Variants in SRMS observed in about 807,000 individuals in gnomAD.
SRMS encodes the protein src-related kinase lacking C-terminal regulatory tyrosine and N-terminal myristylation sites.
In SRMS, 42 loss-of-function variants were observed where a neutral mutation model predicts 43.5. The ratio of observed to expected loss-of-function variants is 0.97; its 90% CI spans 0.75 to 1.25. The LOEUF is 1.25. Ranked by LOEUF, SRMS falls within the 50% of genes most tolerant of loss-of-function variation. The pLI is 0.00. For missense variants in SRMS, 703 were observed against 681.0 expected, an observed-to-expected ratio of 1.03 and a Z score of -0.36; for synonymous variants, 316 against 308.2, an observed-to-expected ratio of 1.03 and a Z score of -0.27.
chr20:63,543,431 A>G lies in SRMS; in HGVS notation c.528T>C (p.Asp176=), dbSNP rs1184279006. 2 of 1,612,722 alleles carry G rather than the reference A, an allele frequency of 1.2e-6. No individual in the cohort carries two copies. Among genetic ancestry groups the G allele is most frequent in the Non-Finnish European group, 8.5e-7 (1 of 1,179,964 alleles). ...VCHYRVSMAA[D]GSLYLQKGRL... ...GTCCCTTCTGCAGGTAGAGGCTGCC[A>G]TCAGCTGCCATGGAGACCCGGTAGT... The change falls in exon 3 of 8, where the codon GAT becomes GAC. Residue 176 remains aspartate, a synonymous_variant. Transcript: ENST00000217188.
At position 63,540,905 on chromosome 20, in the gene SRMS, C is replaced by T; in HGVS notation, c.1380G>A (p.Leu460=). ...ACPAEVYVLM[L]ECWRSSPEER... ...CCTCGGGGCTGCTCCTCCAGCACTC[C>T]AGCATGAGCACGTAGACCTCCGCCG... Residue 460 remains leucine, a synonymous_variant, in exon 8 of 8, where the codon CTG becomes CTA. Coordinates refer to ENST00000217188, the MANE Select transcript of SRMS (RefSeq NM_080823.4). 1 of 1,606,046 alleles carries T rather than the reference C, an allele frequency of 6.2e-7. No individual in the cohort carries two copies. Among genetic ancestry groups the T allele is most frequent in the African/African-American group, 1.3e-5 (1 of 74,988 alleles).
At position 63,541,254 on chromosome 20, in the gene SRMS, C is replaced by T. The variant is rs1485426855; in HGVS notation, c.1222G>A (p.Asp408Asn). 1.9e-6 allele frequency: 3 copies of T among 1,569,934 alleles called. No individual in the cohort carries two copies. The highest frequency in any genetic ancestry group is 2.8e-5 in the African/African-American group (2 of 72,630). The change falls in exon 7 of 8, where the codon GAC (aspartate) becomes AAC (asparagine). Residue 408 changes from aspartate (D) to asparagine (N), a missense_variant. Coordinates refer to ENST00000217188, the MANE Select transcript of SRMS (RefSeq NM_080823.4). Reference protein sequence around the residue: ...ANYRVFSQKSDVWSFGVLLHE... With the variant: ...ANYRVFSQKSNVWSFGVLLHE... ...AGCAGGACGCCGAAGGACCAGACGT[C>T]TGACTTCTGGGAGAAGACACGATAA...
At position 63,542,067 on chromosome 20, in the gene SRMS, TTC is replaced by T. The variant is rs1210220930; in HGVS notation, c.946+94_946+95del. On this transcript the variant is annotated intron_variant, in intron 5 of 7. Transcript: ENST00000217188. ...ACCTGCTCCCGGTAGAGAGGCCCGG[TTC>T]ACCTCGGAAACCCCGCAGGTTCAGC... The T allele has an allele frequency of 4.1e-5, 61 of 1,504,954 alleles. No homozygotes were observed. In the African/African-American group the frequency reaches 7.6e-4, roughly 19 times the overall value. 93.2% of individuals were successfully genotyped at this position (1,504,954 alleles called of 1,614,324 possible).
At chr20:63,546,307 CG>C (rs2082730302) in intron 1 of SRMS, among the ~76,000 whole-genome samples, 1 of 151,956 alleles carries the variant, frequency 6.6e-6, no homozygotes, top group Admixed American at 6.6e-5. Context: ...ACCCCCAGGA[CG>C]ATGTGTGAGT....
At position 63,543,428 on chromosome 20, in the gene SRMS, G is replaced by A; in HGVS notation, c.531C>T (p.Gly177=). The change falls in exon 3 of 8, where the codon GGC becomes GGT. Residue 177 remains glycine (G), a synonymous_variant. Transcript: ENST00000217188. ...CHYRVSMAAD[G]SLYLQKGRLF... ...GCCGTCCCTTCTGCAGGTAGAGGCT[G>A]CCATCAGCTGCCATGGAGACCCGGT... 1 of 1,612,838 alleles carries A rather than the reference G, an allele frequency of 6.2e-7. No homozygotes were observed. The highest frequency in any genetic ancestry group is 2.2e-5 in the East Asian group (1 of 44,882).
chr20:63,543,837 C>T (rs1569018285), intron 2 of SRMS: 1 of 371,042 alleles, frequency 2.7e-6, no homozygotes, highest in Non-Finnish European at 4.9e-6. Context: ...AAAGAATAAG[C>T]TAGTGAACAA....
intron 7 of SRMS, 63 bp downstream of exon 7, chr20:63,541,128 G>A: frequency 6.4e-7 from 1 of 1,552,880 alleles, no homozygotes; most frequent in Non-Finnish European, 8.7e-7. Context: ...ACAGCGTCCA[G>A]GCCCGGGGCC....
intron 1 of SRMS, among the ~76,000 whole-genome samples, chr20:63,544,742 G>A (rs1569018610): frequency 6.6e-6 from 1 of 152,270 alleles, no homozygotes; most frequent in African/African-American, 2.4e-5. Flanking sequence ...CTGCCCGGAA[G>A]CACTGCTGGG....
At chr20:63,541,091 T>C in intron 7 of SRMS, 92 bp from the exon 8 acceptor site, 1 of 1,581,372 alleles carries the variant, frequency 6.3e-7, no homozygotes, top group Non-Finnish European at 8.6e-7. Flanking sequence ...CTGCCTGCCC[T>C]TGGCCAGACC....
At chr20:63,544,058 A>G (rs1468349679) in intron 2 of SRMS, among the ~76,000 whole-genome samples, 169 bp downstream of exon 2, 1 of 152,246 alleles carries the variant, frequency 6.6e-6, no homozygotes, top group Non-Finnish European at 1.5e-5. Context: ...GAATGAATGA[A>G]TAAATGGGTG....
intron 5 of SRMS, 80 bp downstream of exon 5, chr20:63,542,083 C>A: frequency 2.6e-6 from 4 of 1,534,066 alleles, no homozygotes; most frequent in African/African-American, 1.4e-5. Flanking sequence ...TCGGAAACCC[C>A]GCAGGTTCAG....
chr20:63,547,141 G>T lies in SRMS; in HGVS notation c.323C>A (p.Ala108Asp), dbSNP rs1356142451. 6.2e-7 allele frequency: 1 copy of T among 1,604,684 alleles called. No homozygotes were observed. Among genetic ancestry groups the T allele is most frequent in the Non-Finnish European group, 8.5e-7 (1 of 1,175,574 alleles). ...TGAGAGCGTCTCAGGAGAAGCCTTG[G>T]CCACGTGGGTGATGGGCACGAGCCC... The part of the protein sequence containing the change: ...SAGLVPITHV[A>D]KASPETLSDQ... Residue 108 changes from alanine to aspartate, a missense_variant, in exon 1 of 8, where the codon GCC (alanine) becomes GAC (aspartate). Ala to Asp is a moderately radical substitution (Grantham distance 126). Transcript: ENST00000217188.
chr20:63,544,269 T>C lies in SRMS; in HGVS notation c.436A>G (p.Ile146Val). The C allele has an allele frequency of 6.8e-7, 1 of 1,479,086 alleles. No individual in the cohort carries two copies. The highest frequency in any genetic ancestry group is 9.0e-7 in the Non-Finnish European group (1 of 1,115,696). 91.6% of individuals were successfully genotyped at this position (1,479,086 alleles called of 1,614,324 possible). A position where few individuals can be genotyped will look rare whatever the true frequency, so the allele number is the denominator to read the frequency against. Residue 146 changes from isoleucine (I) to valine (V), a missense_variant, in exon 2 of 8, where the codon ATC becomes GTC. By Grantham distance (29) the Ile-to-Val change is conservative. Coordinates refer to ENST00000217188, the MANE Select transcript of SRMS (RefSeq NM_080823.4). ...CCGAGGCTGCTCTCGCTGGGCCGGA[T>C]GAGGAAGGCCCCTGGTTCGTTGGGT... ...SPPNEPGAFL[I>V]RPSESSLGGY... is the part of the protein sequence containing the mutation.
At position 63,539,601 on chromosome 20, in the gene SRMS, G is replaced by A. The variant is rs1010899368; in HGVS notation, c.*1217C>T. Among the ~76,000 whole-genome samples, 1 of 152,130 alleles carries A rather than the reference G, an allele frequency of 6.6e-6. No individual in the cohort carries two copies. Among genetic ancestry groups the A allele is most frequent in the East Asian group, 1.9e-4 (1 of 5,192 alleles). ...CCGGGGGCCACAAACAGACCCCACCGGCCCCCTTGCTTCTTGACGTGTTTC... is the reference window on the plus strand; with the variant it reads ...CCGGGGGCCACAAACAGACCCCACCAGCCCCCTTGCTTCTTGACGTGTTTC... On this transcript the variant is annotated 3_prime_UTR_variant, in exon 8 of 8. Transcript: ENST00000217188.
chr20:63,547,354 T>C lies in SRMS; in HGVS notation c.110A>G (p.Asn37Ser). The C allele has an allele frequency of 1.3e-6, 2 of 1,586,864 alleles. No homozygotes were observed. Among genetic ancestry groups the C allele is most frequent in the Non-Finnish European group, 8.6e-7 (1 of 1,166,266 alleles). ...DHGTPGSLDP[N>S]TDPVPTLPAE... ...GGGGAGCGTGGGCACTGGGTCAGTG[T>C]TGGGGTCCAGGGACCCGGGGGTGCC... The change falls in exon 1 of 8, where the codon AAC becomes AGC. Residue 37 changes from asparagine (N) to serine (S), a missense_variant. Coordinates refer to ENST00000217188, the MANE Select transcript of SRMS (RefSeq NM_080823.4).
In SRMS at chr20:63,539,928, A is replaced by G. The variant is rs1346376283; in HGVS notation, c.*890T>C. 2.0e-5 allele frequency among the ~76,000 whole-genome samples: 3 copies of G among 152,188 alleles called. No individual in the cohort carries two copies. Among genetic ancestry groups the G allele is most frequent in the African/African-American group, 7.2e-5 (3 of 41,458 alleles). On this transcript the variant is annotated 3_prime_UTR_variant, in exon 8 of 8. Transcript: ENST00000217188. ...GGCCCACCCTTCCTGTGCCACCTGG[A>G]ACCCACCCAGGGAGATGGAATCGGC...
intron 5 of SRMS, 68 bp from the exon 6 acceptor site, chr20:63,541,688 C>T (rs1000288768): frequency 4.6e-5 from 65 of 1,426,268 alleles, no homozygotes; most frequent in South Asian, 1.2e-4. Flanking sequence ...CGTCCACCCA[C>T]GTCACCTTCC....
chr20:63,541,496 G>A lies in SRMS; in HGVS notation c.1071C>T (p.Leu357=), dbSNP rs748001551. The change falls in exon 6 of 8, where the codon CTC becomes CTT. Residue 357 remains leucine (L), a synonymous_variant. Coordinates refer to ENST00000217188, the MANE Select transcript of SRMS (RefSeq NM_080823.4). ...VHRDLAARNV[L]VDDGLACKVA... is the part of the protein sequence containing the mutation. ...CCTTGCAGGCCAGGCCGTCGTCCAC[G>A]AGCACGTTCCGGGCGGCCAAGTCCC... is the stretch of plus-strand genomic sequence containing the variant. 37 of 1,608,726 alleles carry A rather than the reference G, an allele frequency of 2.3e-5. No individual in the cohort carries two copies. The highest frequency in any genetic ancestry group is 2.9e-5 in the Non-Finnish European group (34 of 1,179,288).
In SRMS at chr20:63,541,225, G is replaced by A. The variant is rs149249439; in HGVS notation, c.1251C>T (p.His417=). The A allele has an allele frequency of 4.6e-5, 72 of 1,565,322 alleles. No individual in the cohort carries two copies. Among genetic ancestry groups the A allele is most frequent in the African/African-American group, 3.5e-4 (25 of 72,348 alleles). ...GACACTGGCCATAGGTGAAAACCTC[G>A]TGCAGCAGGACGCCGAAGGACCAGA... The part of the protein sequence containing the change: ...SDVWSFGVLL[H]EVFTYGQCPY... Residue 417 remains histidine (H), a synonymous_variant, in exon 7 of 8, where the codon CAC becomes CAT. Coordinates refer to ENST00000217188, the MANE Select transcript of SRMS (RefSeq NM_080823.4).
Sources: gnomAD v4.1 joint callset for allele counts (sites outside exome capture counted in the v4.1 genomes callset) on GRCh38, gnomAD v4.1.1 for gene constraint, MANE v1.5 for transcripts, NCBI Gene and HGNC (gene_info 2026-07-23, HGNC 2026-07-21) for gene names.